HSPA4: variants seen among roughly 807,000 people sequenced by gnomAD.
HSPA4 encodes heat shock 70 kDa protein 4.
HSPA4 carries 25 observed loss-of-function variants against 106.2 expected under a neutral mutation model. That is an observed-to-expected ratio of 0.24 (90% confidence interval 0.17 to 0.33). The LOEUF (loss-of-function observed/expected upper bound fraction) is 0.33, where lower values mean the gene tolerates loss of function less well. Among genes scored for constraint, HSPA4 ranks in the 10% least tolerant of loss-of-function variants. The probability of loss-of-function intolerance (pLI) is 1.00; values close to 1 mark genes in which losing one functional copy is unlikely to be tolerated. For missense variants in HSPA4, 841 were observed against 996.0 expected (o/e 0.84, Z 2.10); for synonymous variants, 332 against 333.6 (o/e 1.00, Z 0.05).
In HSPA4 at chr5:133,089,701, T is replaced by C; in HGVS notation, c.1378+6T>C. The C allele has an allele frequency of 6.7e-7, 1 of 1,498,248 alleles. No individual in the cohort carries two copies. The highest frequency in any genetic ancestry group is 1.4e-5 in the South Asian group (1 of 74,048). 92.8% of individuals were successfully genotyped at this position (1,498,248 alleles called of 1,614,324 possible). A position where few individuals can be genotyped will look rare whatever the true frequency, so the allele number is the denominator to read the frequency against. On this transcript the variant is annotated splice_donor_region_variant and intron_variant, in intron 11 of 18. Transcript: ENST00000304858. ...CTATCCAGATCCTGCTATAGGTAAG[T>C]AAAGAGTTGGAAATTAAAAAAGAAA...
At chr5:133,093,190 G>A (rs950849814) in intron 13 of HSPA4, among the ~76,000 whole-genome samples, 16 of 151,904 alleles carry the variant, frequency 1.1e-4, no homozygotes, top group African/African-American at 3.4e-4. Context: ...TGGCTGAGGG[G>A]CAGTGTCTTG....
chr5:133,087,009 C>T (rs1197427358), intron 8 of HSPA4, 151 bp downstream of exon 8: 1 of 576,176 alleles, frequency 1.7e-6, no homozygotes, highest in African/African-American at 1.9e-5. Flanking sequence ...CCTGTATCTT[C>T]CCCCTGCCCA....
intron 11 of HSPA4, among the ~76,000 whole-genome samples, chr5:133,090,625 G>A (rs1455218094): frequency 6.6e-6 from 1 of 151,966 alleles, no homozygotes; most frequent in African/African-American, 2.4e-5. Context: ...AGAATATATG[G>A]GTAAAGAAAT....
chr5:133,064,642 G>A (rs915894181), intron 1 of HSPA4, among the ~76,000 whole-genome samples: 8 of 152,146 alleles, frequency 5.3e-5, no homozygotes, highest in Admixed American at 1.3e-4. Flanking sequence ...AATGTTAATT[G>A]ATACATTGAT....
chr5:133,093,136 G>C (rs1765671341), intron 13 of HSPA4, among the ~76,000 whole-genome samples: 1 of 151,812 alleles, frequency 6.6e-6, no homozygotes, highest in Non-Finnish European at 1.5e-5. Context: ...CGGCTGAGTT[G>C]TGTTTTAGAG....
Position 133,088,479 on chromosome 5 carries a change from TCAG to T in HSPA4, c.1064_1066del (p.Ser355del). On this transcript the variant is annotated inframe_deletion, in exon 9 of 19. Transcript: ENST00000304858. ...CGAATCCCTGCGGTAAAAGAGAAGA[TCAG>T]CAAATTTTTCGGTAAAGAACTTAGT... 1 of 1,613,666 alleles carries T rather than the reference TCAG, an allele frequency of 6.2e-7. No homozygotes were observed. Among genetic ancestry groups the T allele is most frequent in the Non-Finnish European group, 8.5e-7 (1 of 1,179,574 alleles).
chr5:133,058,659 C>T (rs771839053), intron 1 of HSPA4, among the ~76,000 whole-genome samples: 11 of 151,452 alleles, frequency 7.3e-5, no homozygotes, highest in Non-Finnish European at 1.5e-4. Flanking sequence ...GCCTGGCCAT[C>T]AGGAGTGAAA....
Position 133,076,830 on chromosome 5 carries a change from T to C in HSPA4, c.840T>C (p.Asn280=). 6.2e-7 allele frequency: 1 copy of C among 1,612,834 alleles called. No homozygotes were observed. The highest frequency in any genetic ancestry group is 8.5e-7 in the Non-Finnish European group (1 of 1,178,864). ...CEKLKKLMSA[N]ASDLPLSIEC... is the part of the protein sequence containing the mutation. ...AACTCAAGAAATTGATGAGTGCAAA[T>C]GCTTCAGATCTCCCTTTGAGCATTG... The change falls in exon 7 of 19, where the codon AAT becomes AAC. Residue 280 remains asparagine, a synonymous_variant. Transcript: ENST00000304858.
chr5:133,073,668 A>G (rs1234450416), intron 5 of HSPA4, among the ~76,000 whole-genome samples: 1 of 152,146 alleles, frequency 6.6e-6, no homozygotes, highest in African/African-American at 2.4e-5. Flanking sequence ...GCAGCATCTC[A>G]TGGACAGAAC....
chr5:133,069,846 C>T (rs2126699784), intron 3 of HSPA4, among the ~76,000 whole-genome samples: 2 of 152,274 alleles, frequency 1.3e-5, no homozygotes, highest in East Asian at 3.9e-4. Flanking sequence ...TGTGGTCCTT[C>T]ATCTCCAAGT....
At chr5:133,064,233 C>T (rs530344388) in intron 1 of HSPA4, among the ~76,000 whole-genome samples, 3 of 152,230 alleles carry the variant, frequency 2.0e-5, no homozygotes, top group South Asian at 2.1e-4. Flanking sequence ...TGGCCAGGTG[C>T]GGTGGCTCAC....
At position 133,097,216 on chromosome 5, in the gene HSPA4, C is replaced by T. The variant is rs1344228545; in HGVS notation, c.1859C>T (p.Ala620Val). ...LEKERNDAKN[A>V]VEEYVYEMRD... ...AAGGAGCGGAATGATGCTAAGAACG[C>T]AGTGGAGGAATATGTGTATGAAATG... The change falls in exon 15 of 19, where the codon GCA (alanine) becomes GTA (valine). Residue 620 changes from alanine (A) to valine (V), a missense_variant. By Grantham distance (64) the Ala-to-Val change is moderately conservative (BLOSUM62 0). Around this residue, in one of 5 missense-constraint regions of HSPA4, gnomAD observed 328 missense variants for 372.2 expected, o/e 0.88. Coordinates refer to ENST00000304858, the MANE Select transcript of HSPA4 (RefSeq NM_002154.4). The T allele has an allele frequency of 1.2e-6, 2 of 1,611,236 alleles. No homozygotes were observed. Among genetic ancestry groups the T allele is most frequent in the Admixed American group, 1.7e-5 (1 of 59,994 alleles).
intron 15 of HSPA4, among the ~76,000 whole-genome samples, chr5:133,098,838 A>G (rs1046291926): frequency 6.7e-6 from 1 of 149,462 alleles, no homozygotes; most frequent in South Asian, 2.1e-4. Context: ...ATGCCTGGCT[A>G]ATTTTTGTAT....
chr5:133,055,307 ATTTTTTTTTTTTTTT>A (rs397999293), intron 1 of HSPA4, among the ~76,000 whole-genome samples: 42 of 60,110 alleles, frequency 7.0e-4, no homozygotes, highest in East Asian at 3.5e-3. Context: ...AGGAAGGTTG[ATTTTTTTTTTTTTTT>A]TTTTTTTTTT....
At chr5:133,103,289 T>TTA (rs1271819018) in intron 17 of HSPA4, among the ~76,000 whole-genome samples, 1 of 152,056 alleles carries the variant, frequency 6.6e-6, no homozygotes, top group Non-Finnish European at 1.5e-5. Flanking sequence ...AGTCATGAGC[T>TTA]TAAGCGATCC....
intron 17 of HSPA4, among the ~76,000 whole-genome samples, chr5:133,103,046 C>T (rs1465565125): frequency 2.6e-5 from 4 of 151,424 alleles, no homozygotes; most frequent in African/African-American, 7.3e-5. Flanking sequence ...CAGGCCCCTC[C>T]TTTTTTTGTT....
intron 16 of HSPA4, among the ~76,000 whole-genome samples, chr5:133,101,242 T>G (rs1477630852): frequency 6.6e-6 from 1 of 152,230 alleles, no homozygotes; most frequent in East Asian, 1.9e-4. Context: ...CTATAGTTCT[T>G]CTTCCGTTAT....
rs1378380786 is a variant in HSPA4, at chr5:133,067,465, G to C, written c.214G>C (p.Gly72Arg). 11 of 1,613,522 alleles carry C rather than the reference G, an allele frequency of 6.8e-6. No homozygotes were observed. The Admixed American group carries it at 1.7e-4, about 24-fold the overall frequency. ...NTVQGFKRFH[G>R]RAFSDPFVEA... ...AGTCCAAGGATTTAAAAGATTCCAT[G>C]GCCGAGCATTCTCTGATCCATTTGT... The change falls in exon 3 of 19, where the codon GGC becomes CGC. Residue 72 changes from glycine to arginine, a missense_variant. By Grantham distance (125) the Gly-to-Arg change is moderately radical (BLOSUM62 -2). Transcript: ENST00000304858.
At chr5:133,084,045 A>G (rs980162668) in intron 7 of HSPA4, among the ~76,000 whole-genome samples, 4 of 152,184 alleles carry the variant, frequency 2.6e-5, no homozygotes, top group Non-Finnish European at 5.9e-5. Context: ...ATACACATAT[A>G]TCTTTGTAAC....
Sources: gnomAD v4.1 joint callset for allele counts (sites outside exome capture counted in the v4.1 genomes callset) on GRCh38, gnomAD v4.1.1 for gene constraint, gnomAD v4.1.1 regional missense constraint, MANE v1.5 for transcripts, NCBI Gene and HGNC (gene_info 2026-07-23, HGNC 2026-07-21) for gene names.